The following PDZRN3 variants were observed in gnomAD, a reference collection of about 807,000 sequenced individuals.
PDZRN3 encodes E3 ubiquitin-protein ligase PDZRN3.
PDZRN3 carries 38 observed loss-of-function variants against 85.7 expected under a neutral mutation model. That is an observed-to-expected ratio of 0.44 (90% CI 0.34 to 0.58). PDZRN3 has a LOEUF of 0.58. Ranked by LOEUF, PDZRN3 falls within the 20% of genes least tolerant of loss-of-function variation. PDZRN3 has a pLI of 0.01. For missense variants in PDZRN3, 1,629 were observed against 1,506.4 expected (o/e 1.08, Z -1.35); for synonymous variants, 759 against 638.0 (o/e 1.19, Z -2.86).
At chr3:73,488,372 C>T (rs944833252) in intron 3 of PDZRN3, among the ~76,000 whole-genome samples, 1 of 152,206 alleles carries the variant, frequency 6.6e-6, no homozygotes, top group Non-Finnish European at 1.5e-5. Flanking sequence ...GTACTCTCCT[C>T]CCTAGTCCCC....
chr3:73,426,792 C>T (rs1029112834), intron 3 of PDZRN3, among the ~76,000 whole-genome samples: 3 of 152,070 alleles, frequency 2.0e-5, no homozygotes, highest in African/African-American at 7.2e-5. Context: ...AGCTCTGGGG[C>T]GGGGCCTGAG....
At chr3:73,435,630 G>C (rs28611258) in intron 3 of PDZRN3, among the ~76,000 whole-genome samples, 3 of 151,994 alleles carry the variant, frequency 2.0e-5, no homozygotes, top group African/African-American at 4.8e-5. Flanking sequence ...TGGTCTGTTC[G>C]ACCCCAAATT....
chr3:73,538,012 G>C (rs946266061), intron 3 of PDZRN3, among the ~76,000 whole-genome samples: 1 of 152,130 alleles, frequency 6.6e-6, no homozygotes, highest in African/African-American at 2.4e-5. Flanking sequence ...TGTTCCAACA[G>C]GGATTTCTGG....
intron 3 of PDZRN3, among the ~76,000 whole-genome samples, chr3:73,576,930 A>C (rs1702133353): frequency 6.6e-6 from 1 of 152,182 alleles, no homozygotes; most frequent in Non-Finnish European, 1.5e-5. Context: ...CCACATTCTC[A>C]AGACACTTAT....
intron 3 of PDZRN3, among the ~76,000 whole-genome samples, chr3:73,467,848 C>T (rs770052583): frequency 2.6e-5 from 4 of 152,160 alleles, no homozygotes; most frequent in East Asian, 1.9e-4. Context: ...AAGCCAGTTA[C>T]AAAAGGACAA....
intron 3 of PDZRN3, among the ~76,000 whole-genome samples, chr3:73,531,530 C>A (rs920545469): frequency 6.6e-6 from 1 of 152,152 alleles, no homozygotes; most frequent in African/African-American, 2.4e-5. Context: ...TTCTGCCTGA[C>A]CCAGTGTCCC....
intron 3 of PDZRN3, among the ~76,000 whole-genome samples, chr3:73,495,715 C>T (rs934725766): frequency 6.2e-5 from 8 of 129,676 alleles, no homozygotes; most frequent in East Asian, 2.0e-4. Flanking sequence ...TTTATGCTCA[C>T]GTTTCCAGTG....
At chr3:73,468,508 A>G (rs1224509604) in intron 3 of PDZRN3, among the ~76,000 whole-genome samples, 1 of 151,700 alleles carries the variant, frequency 6.6e-6, no homozygotes, top group Non-Finnish European at 1.5e-5. Context: ...GTACATGTCT[A>G]TGGAAAAACC....
At chr3:73,502,158 A>T (rs148252041) in intron 3 of PDZRN3, among the ~76,000 whole-genome samples, 2,394 of 150,946 alleles carry the variant, frequency 0.016, 24 homozygotes, top group Admixed American at 0.029. Context: ...ACAGTGGGCT[A>T]AGTGAGAAAA....
intron 3 of PDZRN3, among the ~76,000 whole-genome samples, chr3:73,563,017 T>G (rs71625032): frequency 8.4e-5 from 2 of 23,832 alleles, no homozygotes; most frequent in Non-Finnish European, 1.6e-4. Flanking sequence ...ATATATATTT[T>G]TTTTTTTTTT....
At chr3:73,577,068 A>G (rs1222350432) in intron 3 of PDZRN3, among the ~76,000 whole-genome samples, 2 of 152,186 alleles carry the variant, frequency 1.3e-5, no homozygotes, top group African/African-American at 4.8e-5. Flanking sequence ...GGAGTCGCTC[A>G]CTCATGCATG....
chr3:73,597,465 T>C (rs1478287106), intron 3 of PDZRN3, among the ~76,000 whole-genome samples: 3 of 152,146 alleles, frequency 2.0e-5, no homozygotes, highest in African/African-American at 7.2e-5. Flanking sequence ...TAATGGTTAT[T>C]GGGAATAGAG....
intron 3 of PDZRN3, among the ~76,000 whole-genome samples, chr3:73,437,685 A>G (rs1212191792): frequency 6.6e-6 from 1 of 152,220 alleles, no homozygotes; most frequent in Non-Finnish European, 1.5e-5. Context: ...TCATGCACCC[A>G]TTATGCCTAA....
At chr3:73,600,020 A>T (rs1219817908) in intron 3 of PDZRN3, among the ~76,000 whole-genome samples, 2 of 152,214 alleles carry the variant, frequency 1.3e-5, no homozygotes, top group East Asian at 3.8e-4. Flanking sequence ...ATTTCACCAC[A>T]GTATTGGTGG....
At chr3:73,615,794 A>G (rs1340130757) in intron 1 of PDZRN3, among the ~76,000 whole-genome samples, 1 of 152,232 alleles carries the variant, frequency 6.6e-6, no homozygotes, top group Admixed American at 6.5e-5. Context: ...TTTCTGTTAC[A>G]GCAGCCTAAA....
chr3:73,438,634 TGC>T (rs748149121), intron 3 of PDZRN3, among the ~76,000 whole-genome samples: 2 of 151,176 alleles, frequency 1.3e-5, no homozygotes, highest in Non-Finnish European at 3.0e-5. Context: ...CTCTCAGACC[TGC>T]CCGCTGGCTC....
intron 3 of PDZRN3, among the ~76,000 whole-genome samples, chr3:73,548,937 A>C (rs187243130): frequency 6.6e-6 from 1 of 152,238 alleles, no homozygotes; most frequent in Non-Finnish European, 1.5e-5. Context: ...GCTGGAAAAG[A>C]GAGAAAATGG....
chr3:73,440,890 G>A (rs1023870754), intron 3 of PDZRN3, among the ~76,000 whole-genome samples: 1 of 152,132 alleles, frequency 6.6e-6, no homozygotes, highest in African/African-American at 2.4e-5. Flanking sequence ...CCAGGGGGAC[G>A]GTTCCTGAAA....
intron 3 of PDZRN3, among the ~76,000 whole-genome samples, chr3:73,519,064 C>A (rs1704304672): frequency 1.3e-5 from 2 of 152,202 alleles, no homozygotes; most frequent in African/African-American, 2.4e-5. Context: ...ACAGCCACAG[C>A]CCTCATGAGA....
Sources: gnomAD v4.1 joint callset for allele counts (sites outside exome capture counted in the v4.1 genomes callset) on GRCh38, gnomAD v4.1.1 for gene constraint, MANE v1.5 for transcripts, NCBI Gene and HGNC (gene_info 2026-07-23, HGNC 2026-07-21) for gene names.